PCSK5: variants seen among roughly 807,000 people sequenced by gnomAD.
The protein encoded by PCSK5 is proprotein convertase subtilisin/kexin type 5.
PCSK5 carries 129 observed loss-of-function variants against 233.2 expected under a neutral mutation model. The observed-to-expected ratio is 0.55, with a 90% confidence interval of 0.48 to 0.64. The LOEUF (loss-of-function observed/expected upper bound fraction) is 0.64, where lower values mean the gene tolerates loss of function less well. Ranked by LOEUF, PCSK5 falls within the 30% of genes least tolerant of loss-of-function variation. The pLI is 0.00. For synonymous variants in PCSK5, 825 were observed against 879.2 expected, an observed-to-expected ratio of 0.94 and a Z score of 1.09; for missense variants, 2,076 against 2,430.1, an observed-to-expected ratio of 0.85 and a Z score of 3.06.
chr9:76,058,055 C>T (rs1829887328), intron 5 of PCSK5, among the ~76,000 whole-genome samples: 1 of 151,892 alleles, frequency 6.6e-6, no homozygotes, highest in Admixed American at 6.6e-5. Flanking sequence ...TGGCATGTTG[C>T]TTAGGCTGGT....
intron 5 of PCSK5, among the ~76,000 whole-genome samples, chr9:76,048,977 C>T (rs189324740): frequency 1.1e-4 from 16 of 152,074 alleles, no homozygotes; most frequent in South Asian, 6.2e-4. Context: ...TAAATGGCTA[C>T]GATCATATTT....
chr9:76,325,109 A>C (rs925294155), intron 32 of PCSK5, among the ~76,000 whole-genome samples: 1 of 152,172 alleles, frequency 6.6e-6, no homozygotes, highest in East Asian at 1.9e-4. Flanking sequence ...ATATGTGAAA[A>C]GGCGTGGATG....
intron 12 of PCSK5, among the ~76,000 whole-genome samples, chr9:76,163,397 A>G (rs1822953604): frequency 6.6e-6 from 1 of 152,210 alleles, no homozygotes; most frequent in Non-Finnish European, 1.5e-5. Context: ...GCAGGTGCTA[A>G]GCGCTGGAAG....
intron 2 of PCSK5, among the ~76,000 whole-genome samples, chr9:75,964,094 A>T (rs1423768801): frequency 6.6e-6 from 1 of 152,146 alleles, no homozygotes; most frequent in African/African-American, 2.4e-5. Context: ...ATGTAGGGAG[A>T]GTATCTGGAC....
intron 5 of PCSK5, among the ~76,000 whole-genome samples, chr9:76,061,711 A>C (rs1362237010): frequency 6.6e-6 from 1 of 152,180 alleles, no homozygotes; most frequent in Non-Finnish European, 1.5e-5. Context: ...TTTATATCTC[A>C]AATTATCTAA....
At chr9:75,943,884 A>T (rs1824436873) in intron 2 of PCSK5, among the ~76,000 whole-genome samples, 1 of 152,048 alleles carries the variant, frequency 6.6e-6, no homozygotes, top group Non-Finnish European at 1.5e-5. Context: ...ATGTAGGCCG[A>T]GTGTGGTGGC....
intron 5 of PCSK5, among the ~76,000 whole-genome samples, chr9:76,054,995 AT>A (rs1008328756): frequency 5.3e-5 from 8 of 151,878 alleles, no homozygotes; most frequent in East Asian, 1.9e-4. Context: ...TATACTTTTC[AT>A]TTTTTTTCTT....
At chr9:76,236,783 C>A (rs1826263670) in intron 22 of PCSK5, among the ~76,000 whole-genome samples, 1 of 152,144 alleles carries the variant, frequency 6.6e-6, no homozygotes, top group Admixed American at 6.6e-5. Context: ...AATTATAACA[C>A]CCAAAGAGGC....
At chr9:75,940,570 C>T (rs889815148) in intron 2 of PCSK5, among the ~76,000 whole-genome samples, 1 of 152,236 alleles carries the variant, frequency 6.6e-6, no homozygotes, top group Admixed American at 6.5e-5. Context: ...AAGTTTCCTA[C>T]TCATTCAGGC....
At chr9:75,903,287 A>G (rs1826120830) in intron 1 of PCSK5, among the ~76,000 whole-genome samples, 1 of 152,100 alleles carries the variant, frequency 6.6e-6, no homozygotes, top group African/African-American at 2.4e-5. Flanking sequence ...GCTCTATATA[A>G]TAGATTAATC....
At chr9:76,065,925 G>A (rs1220233011) in intron 5 of PCSK5, among the ~76,000 whole-genome samples, 1 of 152,094 alleles carries the variant, frequency 6.6e-6, no homozygotes, top group Non-Finnish European at 1.5e-5. Context: ...CCCAGTATAT[G>A]TTCTTGACAC....
rs181265613 is a variant in PCSK5, at chr9:75,939,429, C to T, written c.297+6946C>T. On this transcript the variant is annotated intron_variant, in intron 2 of 37. Transcript: ENST00000674117. ...TTTTAGAAACAATAGTCTGAGTTCA[C>T]GTTTTCAAAGCCTCTTACTAGTCTG... Among the ~76,000 whole-genome samples, 318 of 152,274 alleles carry T rather than the reference C, an allele frequency of 2.1e-3. 3 individuals are homozygous for T. Among genetic ancestry groups the T allele is most frequent in the African/African-American group, 7.1e-3 (295 of 41,556 alleles).
At chr9:76,026,120 A>C (rs372602140) in intron 4 of PCSK5, among the ~76,000 whole-genome samples, 4 of 139,940 alleles carry the variant, frequency 2.9e-5, no homozygotes, top group African/African-American at 1.1e-4. Context: ...TAATCAATCA[A>C]TCAAAGAAAA....
At chr9:76,060,931 A>G (rs1830006039) in intron 5 of PCSK5, among the ~76,000 whole-genome samples, 1 of 152,230 alleles carries the variant, frequency 6.6e-6, no homozygotes, top group South Asian at 2.1e-4. Context: ...CTAGTTTCAA[A>G]AAAGACCAAG....
chr9:76,005,461 C>T (rs949129981), intron 3 of PCSK5, among the ~76,000 whole-genome samples: 1 of 152,010 alleles, frequency 6.6e-6, no homozygotes, highest in Non-Finnish European at 1.5e-5. Flanking sequence ...CACTTTTTTA[C>T]GTTTTGCTTT....
rs568041086 is a variant in PCSK5, at chr9:76,283,843, C to T, written c.3143-8390C>T. 7.9e-5 allele frequency among the ~76,000 whole-genome samples: 12 copies of T among 152,320 alleles called. 1 individual carries two copies. In the South Asian group the frequency reaches 2.5e-3, roughly 32 times the overall value. ...ATTTTCATTCACATCTATATTTCCA[C>T]TTATCTCCTGACCCCAAAATGCTAG... On this transcript the variant is annotated intron_variant, in intron 24 of 37. Coordinates refer to ENST00000674117, the MANE Select transcript of PCSK5 (RefSeq NM_001372043.1).
intron 33 of PCSK5, among the ~76,000 whole-genome samples, 194 bp downstream of exon 33, chr9:76,328,433 G>A (rs915930998): frequency 5.3e-5 from 8 of 152,318 alleles, no homozygotes; most frequent in African/African-American, 1.7e-4. Context: ...GCTTCATCCA[G>A]TTCGCAAATT....
chr9:75,898,188 C>T (rs1239228368), intron 1 of PCSK5, among the ~76,000 whole-genome samples: 1 of 152,132 alleles, frequency 6.6e-6, no homozygotes, highest in East Asian at 1.9e-4. Context: ...TGTCCTTGAT[C>T]CAGACAGAGG....
intron 1 of PCSK5, among the ~76,000 whole-genome samples, chr9:75,892,762 G>A (rs981212760): frequency 6.6e-6 from 1 of 152,220 alleles, no homozygotes; most frequent in African/African-American, 2.4e-5. Context: ...GGAGTGCGGG[G>A]AGTGTTCAGA....
Sources: allele counts gnomAD v4.1 joint callset (sites outside exome capture counted in the v4.1 genomes callset), GRCh38; gene constraint gnomAD v4.1.1; transcripts MANE v1.5; gene names NCBI Gene and HGNC (gene_info 2026-07-23, HGNC 2026-07-21).